The following CHD6 variants were observed in gnomAD, a reference collection of about 807,000 sequenced individuals.
CHD6 encodes ATP-dependent chromatin remodeler CHD6.
In CHD6, 50 loss-of-function variants were observed where a neutral mutation model predicts 276.9. The ratio of observed to expected loss-of-function variants is 0.18; its 90% CI spans 0.14 to 0.23. The LOEUF is 0.23. CHD6 is among the 10% of genes least tolerant of loss of function. CHD6 has a pLI of 1.00. For synonymous variants in CHD6, 1,173 were observed against 1,229.3 expected (o/e 0.95, Z 0.96); for missense variants, 2,564 against 3,365.8 (o/e 0.76, Z 5.89).
intron 1 of CHD6, among the ~76,000 whole-genome samples, chr20:41,603,957 C>A (rs769924177): frequency 1.3e-5 from 2 of 149,986 alleles, no homozygotes; most frequent in Non-Finnish European, 2.9e-5. Flanking sequence ...GTTAGCAAGG[C>A]CTTACCCTGG....
In CHD6 at chr20:41,616,654, C is replaced by A. The variant is rs562889166; in HGVS notation, c.-24+1686G>T. On this transcript the variant is annotated intron_variant, in intron 1 of 36. Transcript: ENST00000373233. The stretch of plus-strand genomic sequence containing the variant: ...TCCAAAATTAATAATCTTACCACTC[C>A]GCATTTTCCCAAGGCCTTTGGTTAT... 8.1e-4 allele frequency among the ~76,000 whole-genome samples: 123 copies of A among 152,318 alleles called. 1 individual carries two copies. Among genetic ancestry groups the A allele is most frequent in the African/African-American group, 2.7e-3 (113 of 41,558 alleles).
At chr20:41,450,875 T>C (rs1173313498) in intron 23 of CHD6, 71 bp downstream of exon 23, 9 of 1,416,780 alleles carry the variant, frequency 6.4e-6, no homozygotes, top group African/African-American at 1.4e-5. Context: ...GTGCTCTCCC[T>C]GTGGGGTTCC....
intron 8 of CHD6, 25 bp from the exon 9 acceptor site, chr20:41,493,969 T>A: frequency 6.3e-7 from 1 of 1,576,992 alleles, no homozygotes. Flanking sequence ...GGAGAACAGT[T>A]AGGAAGTATG....
intron 15 of CHD6, 37 bp from the exon 16 acceptor site, chr20:41,483,556 A>T: frequency 6.8e-7 from 1 of 1,461,020 alleles, no homozygotes; most frequent in Non-Finnish European, 9.4e-7. Context: ...CCTCGGACAG[A>T]ATATAAGGAT....
chr20:41,459,239 T>G (rs1005982222), intron 17 of CHD6: 4 of 152,168 alleles, frequency 2.6e-5, no homozygotes, highest in Non-Finnish European at 5.9e-5. Context: ...TTCCTATACT[T>G]AGTACTAAAG....
chr20:41,603,722 C>T (rs1329204355), intron 1 of CHD6, among the ~76,000 whole-genome samples: 1 of 152,092 alleles, frequency 6.6e-6, no homozygotes, highest in Non-Finnish European at 1.5e-5. Flanking sequence ...AAAAAATTAG[C>T]TAGGCTTGGC....
At chr20:41,518,277 T>C (rs563361421) in intron 3 of CHD6, among the ~76,000 whole-genome samples, 2 of 152,354 alleles carry the variant, frequency 1.3e-5, no homozygotes, top group South Asian at 2.1e-4. Context: ...ATTTATTGTG[T>C]GTATATGTGT....
In CHD6 at chr20:41,577,116, C is replaced by A. The variant is rs1052080233; in HGVS notation, c.-23-25756G>T. Among the ~76,000 whole-genome samples, 3 of 152,112 alleles carry A rather than the reference C, an allele frequency of 2.0e-5. 1 individual carries two copies. The highest frequency in any genetic ancestry group is 4.1e-4 in the South Asian group (2 of 4,824). ...ATAAGATACATTACTTCAACAACAA[C>A]AAAAAATCACTAAGCAAAGAGACAG... is the stretch of plus-strand genomic sequence containing the variant. On this transcript the variant is annotated intron_variant, in intron 1 of 36. Transcript: ENST00000373233.
intron 17 of CHD6, among the ~76,000 whole-genome samples, chr20:41,464,128 T>C (rs1186741787): frequency 2.0e-5 from 3 of 152,172 alleles, no homozygotes; most frequent in Non-Finnish European, 2.9e-5. Context: ...TGAAATTATA[T>C]AGAAATAAAA....
chr20:41,485,556 C>T (rs934450049), intron 14 of CHD6: 2 of 152,146 alleles, frequency 1.3e-5, no homozygotes, highest in Non-Finnish European at 2.9e-5. Flanking sequence ...GAGTTACTTA[C>T]AAAAGCACAT....
chr20:41,529,243 AAGG>A (rs1270996033), intron 3 of CHD6, among the ~76,000 whole-genome samples: 1 of 152,224 alleles, frequency 6.6e-6, no homozygotes, highest in Non-Finnish European at 1.5e-5. Context: ...TCTTATTTTC[AAGG>A]AGAAGAGCTC....
At chr20:41,507,139 C>T (rs2043995965) in intron 5 of CHD6, among the ~76,000 whole-genome samples, 1 of 152,236 alleles carries the variant, frequency 6.6e-6, no homozygotes, top group South Asian at 2.1e-4. Context: ...ACAAAGTTCT[C>T]TTCTTTACTA....
chr20:41,423,966 AT>A (rs1477913869), intron 29 of CHD6, among the ~76,000 whole-genome samples: 4 of 152,250 alleles, frequency 2.6e-5, no homozygotes, highest in African/African-American at 9.6e-5. Flanking sequence ...TAAACCAGGT[AT>A]ACACTTGCTA....
chr20:41,564,423 GAA>G (rs1179441353), intron 1 of CHD6, among the ~76,000 whole-genome samples: 1 of 152,086 alleles, frequency 6.6e-6, no homozygotes, highest in Non-Finnish European at 1.5e-5. Context: ...AGGACAAATT[GAA>G]AAGTCTATAT....
At chr20:41,467,394 T>C (rs533441195) in intron 17 of CHD6, among the ~76,000 whole-genome samples, 9 of 152,036 alleles carry the variant, frequency 5.9e-5, no homozygotes, top group South Asian at 2.1e-4. Context: ...ATAAAAACCT[T>C]TGGAGTAAAA....
intron 20 of CHD6, among the ~76,000 whole-genome samples, chr20:41,453,834 G>T (rs1834684704): frequency 6.6e-6 from 1 of 152,206 alleles, no homozygotes; most frequent in African/African-American, 2.4e-5. Flanking sequence ...ATTTATAGGA[G>T]AAAAGAGGGT....
intron 2 of CHD6, among the ~76,000 whole-genome samples, chr20:41,548,983 T>C (rs1294513032): frequency 2.0e-5 from 3 of 152,058 alleles, no homozygotes; most frequent in Non-Finnish European, 4.4e-5. Context: ...CATTAAAAAG[T>C]CAGGAAATAA....
At chr20:41,482,137 C>T (rs2043309639) in intron 16 of CHD6, among the ~76,000 whole-genome samples, 1 of 152,044 alleles carries the variant, frequency 6.6e-6, no homozygotes, top group Non-Finnish European at 1.5e-5. Context: ...TACACCTTTA[C>T]TCATTTTGGG....
intron 15 of CHD6, among the ~76,000 whole-genome samples, chr20:41,483,725 C>G (rs1205804240): frequency 6.6e-6 from 1 of 152,114 alleles, no homozygotes; most frequent in Non-Finnish European, 1.5e-5. Context: ...GTGCTCCACT[C>G]TCCTGGGAAG....
Sources: gnomAD v4.1 joint callset for allele counts (sites outside exome capture counted in the v4.1 genomes callset) on GRCh38, gnomAD v4.1.1 for gene constraint, MANE v1.5 for transcripts, NCBI Gene and HGNC (gene_info 2026-07-23, HGNC 2026-07-21) for gene names.